The following NFATC2 variants were observed in gnomAD, a reference collection of about 807,000 sequenced individuals.
NFATC2 encodes the protein nuclear factor of activated T cells 2, also known as nuclear factor of activated T-cells, cytoplasmic 2.
Under a neutral mutation model 87.3 loss-of-function variants are expected in NFATC2, and 22 were observed. The ratio of observed to expected loss-of-function variants is 0.25; its 90% CI spans 0.18 to 0.36. The LOEUF is 0.36. Ranked by LOEUF, NFATC2 falls within the 10% of genes least tolerant of loss-of-function variation. The probability of loss-of-function intolerance (pLI) is 1.00; values close to 1 mark genes in which losing one functional copy is unlikely to be tolerated. For missense variants in NFATC2, 1,149 were observed against 1,259.1 expected, an observed-to-expected ratio of 0.91 and a Z score of 1.32; for synonymous variants, 565 against 542.2, an observed-to-expected ratio of 1.04 and a Z score of -0.58.
At chr20:51,467,025 C>T (rs995093432) in intron 5 of NFATC2, among the ~76,000 whole-genome samples, 2 of 145,392 alleles carry the variant, frequency 1.4e-5, no homozygotes, top group Non-Finnish European at 3.0e-5. Flanking sequence ...TGAGCCAAGA[C>T]TGCGCCATTG....
intron 10 of NFATC2, among the ~76,000 whole-genome samples, chr20:51,397,136 T>G (rs1987282489): frequency 6.6e-6 from 1 of 152,180 alleles, no homozygotes; most frequent in Admixed American, 6.5e-5. Context: ...TGCCTCGGCC[T>G]CCCAAAGTGC....
chr20:51,451,009 C>G (rs1985698067), intron 6 of NFATC2, among the ~76,000 whole-genome samples: 2 of 152,192 alleles, frequency 1.3e-5, no homozygotes, highest in South Asian at 4.1e-4. Context: ...TGGCTGACTC[C>G]TAACTCCGTA....
At chr20:51,431,257 TC>T (rs1982659895) in intron 9 of NFATC2, among the ~76,000 whole-genome samples, 1 of 152,184 alleles carries the variant, frequency 6.6e-6, no homozygotes, top group African/African-American at 2.4e-5. Flanking sequence ...GCTCTGCTCA[TC>T]CCACCCTCTC....
chr20:51,468,254 G>A (rs1262431384), intron 5 of NFATC2, among the ~76,000 whole-genome samples: 1 of 152,144 alleles, frequency 6.6e-6, no homozygotes, highest in Non-Finnish European at 1.5e-5. Context: ...GGGTATATGC[G>A]ATTGTCAAAA....
intron 4 of NFATC2, 26 bp downstream of exon 4, chr20:51,475,432 C>G: frequency 6.2e-7 from 1 of 1,612,080 alleles, no homozygotes; most frequent in Non-Finnish European, 8.5e-7. Flanking sequence ...CATGAAGACC[C>G]GCCGCCCTCA....
Position 51,523,213 on chromosome 20 carries a change from C to G in NFATC2, c.1028G>C (p.Arg343Pro). 3.1e-6 allele frequency: 5 copies of G among 1,613,824 alleles called. No homozygotes were observed. The highest frequency in any genetic ancestry group is 4.2e-6 in the Non-Finnish European group (5 of 1,179,858). The change falls in exon 2 of 11, where the codon CGC becomes CCC. Residue 343 changes from arginine to proline, a missense_variant. By Grantham distance (103) the Arg-to-Pro change is moderately radical (BLOSUM62 -2). Around this residue, in one of 3 missense-constraint regions of NFATC2, gnomAD observed 563 missense variants for 585.2 expected, o/e 0.96. Coordinates refer to ENST00000371564, the MANE Select transcript of NFATC2 (RefSeq NM_012340.5). This position sits in a 1 kb window ranked among gnomAD's most constrained non-coding sequence, Gnocchi z 6.9. The part of the protein sequence containing the change: ...SAAPSKAGLP[R>P]HIYPAVEFLG... Reference sequence around the variant, plus strand: ...GAACTCCACGGCCGGGTAGATGTGGCGAGGCAGGCCGGCCTTGGATGGGGC... The same window carrying G: ...GAACTCCACGGCCGGGTAGATGTGGGGAGGCAGGCCGGCCTTGGATGGGGC...
At chr20:51,547,279 T>C (rs2076897251), upstream of NFATC2, among the ~76,000 whole-genome samples, 1 of 152,246 alleles carries the variant, frequency 6.6e-6, no homozygotes, top group Admixed American at 6.5e-5. Context: ...TAAGAAAATG[T>C]GGAAGGATTC....
intron 3 of NFATC2, among the ~76,000 whole-genome samples, chr20:51,507,409 A>G (rs2146655487): frequency 6.6e-6 from 1 of 152,330 alleles, no homozygotes; most frequent in South Asian, 2.1e-4. Context: ...ATTCAACCAG[A>G]AAAAGCTGGA....
chr20:51,466,990 T>C (rs1210439070), intron 5 of NFATC2, among the ~76,000 whole-genome samples: 1 of 148,194 alleles, frequency 6.7e-6, no homozygotes, highest in African/African-American at 2.5e-5. Context: ...GAGAATCGCT[T>C]CAACCTGGGA....
chr20:51,499,236 G>A (rs1421553186), intron 3 of NFATC2, among the ~76,000 whole-genome samples: 1 of 152,140 alleles, frequency 6.6e-6, no homozygotes, highest in Admixed American at 6.5e-5. Context: ...GGGTGCAAGT[G>A]GAGGCAGGGA....
chr20:51,502,527 G>C (rs1600887166), intron 3 of NFATC2, among the ~76,000 whole-genome samples: 1 of 152,076 alleles, frequency 6.6e-6, no homozygotes, highest in Admixed American at 6.5e-5. Context: ...TAGAGACAAG[G>C]GTCTGGTAAT....
At chr20:51,430,752 G>T (rs779620835) in intron 9 of NFATC2, among the ~76,000 whole-genome samples, 1 of 152,180 alleles carries the variant, frequency 6.6e-6, no homozygotes, top group Admixed American at 6.5e-5. Context: ...ATGCAGCAGA[G>T]GATATTTCTG....
intron 1 of NFATC2, among the ~76,000 whole-genome samples, chr20:51,556,769 G>C (rs757378706): frequency 4.6e-5 from 7 of 152,192 alleles, no homozygotes; most frequent in Non-Finnish European, 8.8e-5. Context: ...AATTTTGCTG[G>C]AGCCCGGAGC....
Position 51,538,460 on chromosome 20 carries a change from C to T in NFATC2, c.130+3910G>A, listed in dbSNP as rs149309663. Among the ~76,000 whole-genome samples the T allele has an allele frequency of 2.3e-3, 347 of 152,294 alleles. 3 individuals are homozygous for T. The highest frequency in any genetic ancestry group is 0.015 in the East Asian group (79 of 5,190). Reference sequence around the variant, plus strand: ...TCAATTTTAAAGCCAACACTGGAGTCCTCCTCCAAGGCAAGGATGCCCACT... The same window carrying T: ...TCAATTTTAAAGCCAACACTGGAGTTCTCCTCCAAGGCAAGGATGCCCACT... On this transcript the variant is annotated intron_variant, in intron 1 of 10. Transcript: ENST00000371564.
chr20:51,462,059 A>G (rs976115810), intron 5 of NFATC2, among the ~76,000 whole-genome samples: 1 of 151,392 alleles, frequency 6.6e-6, no homozygotes. Context: ...TGGCGGTTGC[A>G]GTGAGTTGAG....
intron 1 of NFATC2, among the ~76,000 whole-genome samples, chr20:51,532,960 C>T (rs553968763): frequency 5.3e-5 from 8 of 152,352 alleles, no homozygotes; most frequent in African/African-American, 1.9e-4. Flanking sequence ...CAGGGCTCCA[C>T]TGATCCCTGG....
upstream of NFATC2, among the ~76,000 whole-genome samples, chr20:51,546,974 A>G (rs2076894536): frequency 6.6e-6 from 1 of 152,230 alleles, no homozygotes; most frequent in African/African-American, 2.4e-5. Context: ...CAGGAGTGGC[A>G]GGTGCTCAGG....
rs781527748 is a variant in NFATC2, at chr20:51,542,366, C to G, written c.130+4G>C. ...GGGCCAGGCCAGGGGTAGCCTCCAC[C>G]GACCTTCGTTCGGATTCAAATACTC... On this transcript the variant is annotated splice_donor_region_variant and intron_variant, in intron 1 of 10. Transcript: ENST00000371564. The G allele has an allele frequency of 6.1e-5, 98 of 1,604,942 alleles. No individual in the cohort carries two copies. Among genetic ancestry groups the G allele is most frequent in the African/African-American group, 8.2e-5 (6 of 73,540 alleles).
At chr20:51,482,203 C>T (rs1049597056) in intron 3 of NFATC2, among the ~76,000 whole-genome samples, 2 of 151,840 alleles carry the variant, frequency 1.3e-5, no homozygotes, top group African/African-American at 4.8e-5. Context: ...CAGAGACACA[C>T]AAACATGGCC....
Sources: allele counts gnomAD v4.1 joint callset (sites outside exome capture counted in the v4.1 genomes callset), GRCh38; gene constraint gnomAD v4.1.1; regional missense constraint gnomAD v4.1.1; non-coding constraint Gnocchi (gnomAD v3.1); transcripts MANE v1.5; gene names NCBI Gene and HGNC (gene_info 2026-07-23, HGNC 2026-07-21).